Variants in AGT observed in about 807,000 individuals in gnomAD.
The protein encoded by AGT is angiotensinogen, also known as alpha-1 antiproteinase, antitrypsin.
AGT carries 26 observed loss-of-function variants against 28.1 expected under a neutral mutation model. That is an observed-to-expected ratio of 0.92 (90% CI 0.68 to 1.28). The LOEUF is 1.28. Among genes scored for constraint, AGT ranks in the 50% most tolerant of loss-of-function variants. The pLI, the probability that AGT is intolerant of heterozygous loss-of-function variation, is 0.00. For missense variants in AGT, 596 were observed against 592.3 expected, an observed-to-expected ratio of 1.01 and a Z score of -0.06; for synonymous variants, 259 against 259.6, an observed-to-expected ratio of 1.00 and a Z score of 0.02.
intron 4 of AGT, among the ~76,000 whole-genome samples, chr1:230,703,597 T>C (rs749695432): frequency 6.6e-6 from 1 of 152,138 alleles, no homozygotes; most frequent in Admixed American, 6.5e-5. Flanking sequence ...CATCCTCCCA[T>C]CTTCACATTC....
chr1:230,734,636 TCC>T (rs1664123108), intron 1 of AGT, among the ~76,000 whole-genome samples: 4 of 151,874 alleles, frequency 2.6e-5, no homozygotes, highest in Non-Finnish European at 5.9e-5. Flanking sequence ...GTGTGTTTCA[TCC>T]CTATGTACAA....
chr1:230,710,887 T>A, intron 1 of AGT, 34 bp from the exon 2 acceptor site: 1 of 1,604,496 alleles, frequency 6.2e-7, no homozygotes, highest in Non-Finnish European at 8.5e-7. Context: ...TGAAAGGTGG[T>A]TATTAACTGA....
intron 1 of AGT, among the ~76,000 whole-genome samples, chr1:230,744,733 C>A (rs998374839): frequency 1.5e-4 from 23 of 152,190 alleles, no homozygotes; most frequent in Non-Finnish European, 2.6e-4. Flanking sequence ...AAGGACAAGA[C>A]CCCAGCCTGG....
chr1:230,729,710 A>G (rs1664015724), intron 1 of AGT, among the ~76,000 whole-genome samples: 1 of 152,172 alleles, frequency 6.6e-6, no homozygotes, highest in South Asian at 2.1e-4. Flanking sequence ...GCTAATACAG[A>G]TGGTCACCTC....
At chr1:230,715,193 T>C (rs1663704203), upstream of AGT, among the ~76,000 whole-genome samples, 1 of 152,114 alleles carries the variant, frequency 6.6e-6, no homozygotes, top group Non-Finnish European at 1.5e-5. Context: ...GACTGAACAA[T>C]CAACAAACAC....
intron 2 of AGT, 90 bp from the exon 3 acceptor site, chr1:230,706,290 C>A: frequency 6.9e-7 from 1 of 1,442,206 alleles, no homozygotes; most frequent in East Asian, 2.4e-5. Flanking sequence ...CCAGATCCTG[C>A]CCCTCGCCCT....
chr1:230,702,764 C>A lies in AGT; in HGVS notation c.*377G>T. 8.1e-6 allele frequency: 2 copies of A among 248,110 alleles called. No individual in the cohort carries two copies. Among genetic ancestry groups the A allele is most frequent in the African/African-American group, 2.2e-5 (1 of 45,532 alleles). The allele number at this position is 248,110 out of a possible 1,614,324, so 15.4% of individuals were successfully genotyped here. A position where few individuals can be genotyped will look rare whatever the true frequency, so the allele number is the denominator to read the frequency against. On this transcript the variant is annotated 3_prime_UTR_variant, in exon 5 of 5. Transcript: ENST00000366667. ...AAAATGTATACTTTAATTTTAAAAC[C>A]CAATTTTTGTTCTCAACTTGAAAAG...
At chr1:230,743,277 C>T (rs1289185541) in intron 1 of AGT, among the ~76,000 whole-genome samples, 1 of 152,206 alleles carries the variant, frequency 6.6e-6, no homozygotes, top group Non-Finnish European at 1.5e-5. Flanking sequence ...AGGTGTGAGC[C>T]ATTGCACGCA....
intron 1 of AGT, among the ~76,000 whole-genome samples, chr1:230,730,433 A>G (rs1394667353): frequency 1.3e-5 from 2 of 152,102 alleles, no homozygotes; most frequent in Non-Finnish European, 1.5e-5. Context: ...ACTTGCGGCC[A>G]TGCTCCTGCT....
intron 1 of AGT, among the ~76,000 whole-genome samples, chr1:230,732,827 G>A (rs564588625): frequency 4.6e-5 from 7 of 152,318 alleles, no homozygotes; most frequent in African/African-American, 1.7e-4. Flanking sequence ...AAGGGTGGCA[G>A]AGGTGGAAGA....
At chr1:230,732,161 T>C (rs745610558) in intron 1 of AGT, among the ~76,000 whole-genome samples, 1 of 152,136 alleles carries the variant, frequency 6.6e-6, no homozygotes, top group Non-Finnish European at 1.5e-5. Context: ...TTTTGTTGTT[T>C]GTTTGTTTAT....
In AGT at chr1:230,706,316, C is replaced by T. The variant is rs61762533; in HGVS notation, c.830-116G>A. 2.5e-6 allele frequency: 3 copies of T among 1,212,756 alleles called. No homozygotes were observed. The African/African-American group carries it at 4.6e-5, about 18-fold the overall frequency. 75.1% of individuals were successfully genotyped at this position (1,212,756 alleles called of 1,614,324 possible). ...CCCTCGCCCTGCCTCAGCCTCCTTC[C>T]TTGGCCCCCCCCAGGCCACTCTGCA... On this transcript the variant is annotated intron_variant, in intron 2 of 4. Coordinates refer to ENST00000366667, the MANE Select transcript of AGT (RefSeq NM_001384479.1).
intron 2 of AGT, among the ~76,000 whole-genome samples, chr1:230,709,186 T>C (rs1663497224): frequency 6.6e-6 from 1 of 152,250 alleles, no homozygotes; most frequent in Non-Finnish European, 1.5e-5. Flanking sequence ...GCAGGGCCTA[T>C]ACAGCCCTCC....
At position 230,710,550 on chromosome 1, in the gene AGT, A is replaced by G. The variant is rs746082749; in HGVS notation, c.274T>C (p.Leu92=). The G allele has an allele frequency of 4.3e-6, 7 of 1,614,178 alleles. No homozygotes were observed. Among genetic ancestry groups the G allele is most frequent in the Non-Finnish European group, 4.2e-6 (5 of 1,180,042 alleles). The change falls in exon 2 of 5, where the codon TTG becomes CTG. Residue 92 remains leucine (L), a synonymous_variant. Transcript: ENST00000366667. ...AGCATCCCGACCATTGCGGCCCTCA[A>G]CTTGTCTTCGGTGTCAAGTTTTGCA... ...VAAKLDTEDK[L]RAAMVGMLAN...
upstream of AGT, among the ~76,000 whole-genome samples, chr1:230,717,139 C>T (rs1304494564): frequency 6.7e-6 from 1 of 149,170 alleles, no homozygotes; most frequent in East Asian, 2.0e-4. Flanking sequence ...TGGGGCAAAG[C>T]TACAAATTAA....
At chr1:230,715,132 AG>A (rs1663703232), upstream of AGT, among the ~76,000 whole-genome samples, 1 of 152,232 alleles carries the variant, frequency 6.6e-6, no homozygotes, top group South Asian at 2.1e-4. Context: ...TTAACAACAA[AG>A]AGCAGGAAGA....
At chr1:230,714,633 G>T (rs928945629), upstream of AGT, among the ~76,000 whole-genome samples, 25 of 152,172 alleles carry the variant, frequency 1.6e-4, no homozygotes, top group Admixed American at 1.4e-3. Context: ...CTGTGCAAAG[G>T]CCTCTAATAG....
chr1:230,732,965 A>T (rs1005088728), intron 1 of AGT, among the ~76,000 whole-genome samples: 5 of 151,778 alleles, frequency 3.3e-5, no homozygotes, highest in African/African-American at 1.2e-4. Context: ...CACAGAGGAC[A>T]AGCTTAAATA....
At chr1:230,703,699 G>T (rs1206873702) in intron 4 of AGT, among the ~76,000 whole-genome samples, 1 of 152,198 alleles carries the variant, frequency 6.6e-6, no homozygotes, top group African/African-American at 2.4e-5. Context: ...GGCTCTTCCC[G>T]CTGGCCCCCG....
Sources: gnomAD v4.1 joint callset for allele counts (sites outside exome capture counted in the v4.1 genomes callset) on GRCh38, gnomAD v4.1.1 for gene constraint, MANE v1.5 for transcripts, NCBI Gene and HGNC (gene_info 2026-07-23, HGNC 2026-07-21) for gene names.